LRRC4C: variants seen among roughly 807,000 people sequenced by gnomAD.
LRRC4C encodes leucine-rich repeat-containing protein 4C.
Under a neutral mutation model 33.6 loss-of-function variants are expected in LRRC4C, and 5 were observed. The ratio of observed to expected loss-of-function variants is 0.15; its 90% CI spans 0.08 to 0.31. The LOEUF is 0.31. Among genes scored for constraint, LRRC4C ranks in the 10% least tolerant of loss-of-function variants. LRRC4C has a pLI of 1.00. For synonymous variants in LRRC4C, 329 were observed against 302.0 expected (o/e 1.09, Z -0.93); for missense variants, 560 against 796.7 (o/e 0.70, Z 3.58).
intron 3 of LRRC4C, among the ~76,000 whole-genome samples, chr11:40,553,012 T>C (rs1035483888): frequency 1.3e-5 from 2 of 152,206 alleles, no homozygotes; most frequent in African/African-American, 4.8e-5. Flanking sequence ...AACTCATGTA[T>C]GTAACCCCAG....
At chr11:40,650,266 T>C (rs1283991449) in intron 2 of LRRC4C, among the ~76,000 whole-genome samples, 1 of 152,160 alleles carries the variant, frequency 6.6e-6, no homozygotes, top group Non-Finnish European at 1.5e-5. Flanking sequence ...ATGTTAAGTG[T>C]CATGAAGACG....
intron 5 of LRRC4C, among the ~76,000 whole-genome samples, chr11:40,230,497 T>C (rs941041862): frequency 6.6e-6 from 1 of 152,288 alleles, no homozygotes; most frequent in East Asian, 1.9e-4. Flanking sequence ...GCACTGAACA[T>C]TGATCAGAAC....
At chr11:41,103,490 T>C (rs540744707) in intron 1 of LRRC4C, among the ~76,000 whole-genome samples, 1 of 151,426 alleles carries the variant, frequency 6.6e-6, no homozygotes, top group Non-Finnish European at 1.5e-5. Flanking sequence ...TGAAGAATAT[T>C]ACATCTTCAA....
chr11:41,141,607 C>T (rs537598152), intron 1 of LRRC4C, among the ~76,000 whole-genome samples: 55 of 152,138 alleles, frequency 3.6e-4, no homozygotes, highest in African/African-American at 1.3e-3. Flanking sequence ...CTTCCATGCT[C>T]TTCTTATGAT....
chr11:41,126,960 A>G (rs1430424481), intron 1 of LRRC4C, among the ~76,000 whole-genome samples: 1 of 152,148 alleles, frequency 6.6e-6, no homozygotes, highest in Non-Finnish European at 1.5e-5. Context: ...TTAAGCCACT[A>G]TGTTTTGAGA....
chr11:41,160,313 G>T (rs1420343042), intron 1 of LRRC4C, among the ~76,000 whole-genome samples: 1 of 150,970 alleles, frequency 6.6e-6, no homozygotes, highest in African/African-American at 2.4e-5. Flanking sequence ...AGGCTGTATT[G>T]CACCATGATC....
chr11:41,217,091 C>T (rs1416240986), intron 1 of LRRC4C, among the ~76,000 whole-genome samples: 13 of 152,060 alleles, frequency 8.5e-5, no homozygotes, highest in Admixed American at 8.5e-4. Context: ...TGAACACAGC[C>T]CATCAATTTT....
chr11:40,600,608 A>T (rs1230949719), intron 3 of LRRC4C, among the ~76,000 whole-genome samples: 1 of 152,178 alleles, frequency 6.6e-6, no homozygotes, highest in African/African-American at 2.4e-5. Flanking sequence ...GTGCTAGTAA[A>T]TCTAAAAGAA....
intron 4 of LRRC4C, among the ~76,000 whole-genome samples, chr11:40,265,859 CAT>C (rs1350617551): frequency 6.6e-6 from 1 of 152,138 alleles, no homozygotes; most frequent in Non-Finnish European, 1.5e-5. Flanking sequence ...CAAATCTAAA[CAT>C]AATTTGTTTG....
At chr11:40,518,533 A>C (rs1201168082) in intron 3 of LRRC4C, among the ~76,000 whole-genome samples, 1 of 152,216 alleles carries the variant, frequency 6.6e-6, no homozygotes, top group Non-Finnish European at 1.5e-5. Context: ...AGAGAAATGC[A>C]AATCAAAACC....
intron 4 of LRRC4C, among the ~76,000 whole-genome samples, chr11:40,273,257 G>C (rs1020129416): frequency 2.6e-5 from 4 of 152,088 alleles, no homozygotes; most frequent in Non-Finnish European, 2.9e-5. Context: ...CATATAATTA[G>C]TAGGTAATGT....
At chr11:40,539,171 A>G (rs1364489176) in intron 3 of LRRC4C, among the ~76,000 whole-genome samples, 1 of 152,190 alleles carries the variant, frequency 6.6e-6, no homozygotes, top group Non-Finnish European at 1.5e-5. Context: ...GCTTTCAGCA[A>G]TGACTCATTT....
At chr11:41,392,012 G>A (rs1953615977) in intron 1 of LRRC4C, among the ~76,000 whole-genome samples, 1 of 151,830 alleles carries the variant, frequency 6.6e-6, no homozygotes, top group South Asian at 2.1e-4. Flanking sequence ...AAAACTATAT[G>A]TATAAAAATA....
At chr11:40,837,359 A>G (rs1300726156) in intron 2 of LRRC4C, among the ~76,000 whole-genome samples, 1 of 152,186 alleles carries the variant, frequency 6.6e-6, no homozygotes, top group East Asian at 1.9e-4. Context: ...ATTTAGAGTT[A>G]GCATTGATTA....
At chr11:40,316,096 A>T (rs370750824) in intron 4 of LRRC4C, among the ~76,000 whole-genome samples, 7 of 152,126 alleles carry the variant, frequency 4.6e-5, no homozygotes, top group African/African-American at 1.2e-4. Context: ...AACTGGAAAA[A>T]GTCTATGCAT....
At chr11:40,910,269 G>A (rs1956609229) in intron 2 of LRRC4C, among the ~76,000 whole-genome samples, 1 of 151,994 alleles carries the variant, frequency 6.6e-6, no homozygotes, top group South Asian at 2.1e-4. Context: ...CAATTCAGCA[G>A]TATATATTGA....
intron 1 of LRRC4C, among the ~76,000 whole-genome samples, chr11:41,312,998 T>C (rs1282231673): frequency 6.6e-6 from 1 of 152,220 alleles, no homozygotes; most frequent in African/African-American, 2.4e-5. Flanking sequence ...TACATGGTAA[T>C]AAAGGCAGTA....
At chr11:41,327,058 G>C (rs1457631200) in intron 1 of LRRC4C, among the ~76,000 whole-genome samples, 1 of 152,188 alleles carries the variant, frequency 6.6e-6, no homozygotes, top group Admixed American at 6.5e-5. Flanking sequence ...CAGAGGCCAA[G>C]TGGAGGCTGA....
chr11:40,777,507 T>G (rs1470568657), intron 2 of LRRC4C, among the ~76,000 whole-genome samples: 2 of 151,528 alleles, frequency 1.3e-5, no homozygotes, highest in African/African-American at 4.8e-5. Flanking sequence ...CTGTTTTTTT[T>G]TTTTTTTTTT....
Sources: allele counts gnomAD v4.1 joint callset (sites outside exome capture counted in the v4.1 genomes callset), GRCh38; gene constraint gnomAD v4.1.1; transcripts MANE v1.5; gene names NCBI Gene and HGNC (gene_info 2026-07-23, HGNC 2026-07-21).